The following RALGAPA1 variants were observed in gnomAD, a reference collection of about 807,000 sequenced individuals.
RALGAPA1 encodes ral GTPase-activating protein subunit alpha-1.
RALGAPA1 carries 52 observed loss-of-function variants against 269.6 expected under a neutral mutation model. The observed-to-expected ratio is 0.19, with a 90% CI of 0.15 to 0.24. The LOEUF is 0.24. Among genes scored for constraint, RALGAPA1 ranks in the 10% least tolerant of loss-of-function variants. The probability of loss-of-function intolerance (pLI) is 1.00; values close to 1 mark genes in which losing one functional copy is unlikely to be tolerated. For synonymous variants in RALGAPA1, 817 were observed against 1,008.3 expected (o/e 0.81, Z 3.60); for missense variants, 1,917 against 3,013.9 (o/e 0.64, Z 8.52).
At chr14:35,583,784 GAGAGT>G (rs1234067182) in intron 37 of RALGAPA1, among the ~76,000 whole-genome samples, 1 of 152,114 alleles carries the variant, frequency 6.6e-6, no homozygotes, top group Non-Finnish European at 1.5e-5. Context: ...TAAGCAAGAA[GAGAGT>G]AGAGTGAAAT....
At chr14:35,609,403 G>A (rs1230463654) in intron 35 of RALGAPA1, among the ~76,000 whole-genome samples, 1 of 151,998 alleles carries the variant, frequency 6.6e-6, no homozygotes, top group African/African-American at 2.4e-5. Flanking sequence ...TTACCAGTGG[G>A]TCAAAGAATA....
At position 35,604,874 on chromosome 14, in the gene RALGAPA1, T is replaced by C. The variant is rs12586969; in HGVS notation, c.7053+712A>G. On this transcript the variant is annotated intron_variant, in intron 36 of 41. Transcript: ENST00000680220. ...TTTCTGTTAGAACATGTCTGGTACT[T>C]CATTTTTCAATTCAAATAAACATAC... is the stretch of plus-strand genomic sequence containing the variant. Among the ~76,000 whole-genome samples, 3,462 of 152,210 alleles carry C rather than the reference T, an allele frequency of 0.023. 327 individuals are homozygous for C. The East Asian group carries it at 0.31, about 14-fold the overall frequency.
Position 35,635,608 on chromosome 14 carries a change from C to A in RALGAPA1, c.5677-10G>T. The A allele has an allele frequency of 6.4e-7, 1 of 1,551,630 alleles. No homozygotes were observed. The highest frequency in any genetic ancestry group is 2.3e-5 in the East Asian group (1 of 43,096). On this transcript the variant is annotated splice_polypyrimidine_tract_variant and intron_variant, in intron 31 of 41. Coordinates refer to ENST00000680220, the MANE Select transcript of RALGAPA1 (RefSeq NM_001346249.2). ...GTAAAGATACTACCAACTGTAACAA[C>A]AATAGAATCATTATAATTGTACATT...
At chr14:35,671,328 A>G in intron 26 of RALGAPA1, 61 bp downstream of exon 26, 1 of 1,422,084 alleles carries the variant, frequency 7.0e-7, no homozygotes, top group Non-Finnish European at 9.4e-7. Context: ...TGTTTTATCA[A>G]CTTTGTTAGT....
intron 12 of RALGAPA1, among the ~76,000 whole-genome samples, chr14:35,731,521 T>C (rs982561559): frequency 1.3e-5 from 2 of 152,094 alleles, no homozygotes; most frequent in African/African-American, 2.4e-5. Flanking sequence ...TTCAAGGAAT[T>C]AAATAGCTTA....
chr14:35,645,485 C>G (rs2062364362), intron 31 of RALGAPA1, among the ~76,000 whole-genome samples: 1 of 151,988 alleles, frequency 6.6e-6, no homozygotes, highest in Admixed American at 6.6e-5. Context: ...AATCCCACCA[C>G]TTTGGGAGGC....
At chr14:35,606,729 G>C (rs2139216686) in intron 35 of RALGAPA1, among the ~76,000 whole-genome samples, 1 of 148,526 alleles carries the variant, frequency 6.7e-6, no homozygotes, top group African/African-American at 2.5e-5. Context: ...CATTAGTAAA[G>C]TTTTCACTAC....
At chr14:35,621,187 G>T (rs1209893337) in intron 35 of RALGAPA1, among the ~76,000 whole-genome samples, 2 of 152,062 alleles carry the variant, frequency 1.3e-5, no homozygotes, top group Non-Finnish European at 2.9e-5. Context: ...GAACAGAACA[G>T]AGCCCTCAGA....
intron 15 of RALGAPA1, among the ~76,000 whole-genome samples, chr14:35,722,574 T>C (rs1259188611): frequency 1.3e-4 from 19 of 151,110 alleles, no homozygotes; most frequent in Non-Finnish European, 2.7e-4. Flanking sequence ...ACTGTGCTAC[T>C]ATACTCTAGC....
At chr14:35,637,833 A>T (rs1311083428) in intron 31 of RALGAPA1, among the ~76,000 whole-genome samples, 1 of 152,226 alleles carries the variant, frequency 6.6e-6, no homozygotes, top group African/African-American at 2.4e-5. Context: ...AAAAGAAACA[A>T]ATAACATACA....
intron 1 of RALGAPA1, among the ~76,000 whole-genome samples, chr14:35,786,917 A>G (rs1347117973): frequency 1.3e-5 from 2 of 152,134 alleles, no homozygotes; most frequent in African/African-American, 4.8e-5. Flanking sequence ...CATCTCATAT[A>G]TGAGTGTGAA....
intron 26 of RALGAPA1, 82 bp from the exon 27 acceptor site, chr14:35,664,849 A>G: frequency 7.7e-7 from 1 of 1,297,404 alleles, no homozygotes; most frequent in Non-Finnish European, 1.1e-6. Context: ...ATCCAACTAC[A>G]TTAGACAGGG....
At chr14:35,683,091 C>T (rs1423323135) in intron 21 of RALGAPA1, among the ~76,000 whole-genome samples, 1 of 152,110 alleles carries the variant, frequency 6.6e-6, no homozygotes, top group Non-Finnish European at 1.5e-5. Context: ...AGTGGATAAC[C>T]ACTCATCAAG....
At chr14:35,604,454 A>C (rs1220484675) in intron 36 of RALGAPA1, among the ~76,000 whole-genome samples, 1 of 151,988 alleles carries the variant, frequency 6.6e-6, no homozygotes, top group African/African-American at 2.4e-5. Context: ...ATAATAAAAA[A>C]ATAGGTTAGA....
chr14:35,629,335 T>C (rs188890372), intron 33 of RALGAPA1, among the ~76,000 whole-genome samples: 48 of 151,806 alleles, frequency 3.2e-4, no homozygotes, highest in African/African-American at 1.1e-3. Context: ...TGTCTCTACT[T>C]AATTTTAGAC....
chr14:35,566,347 T>G (rs1301866754), intron 39 of RALGAPA1, among the ~76,000 whole-genome samples: 4 of 152,148 alleles, frequency 2.6e-5, no homozygotes, highest in Non-Finnish European at 2.9e-5. Context: ...AACATTAGAT[T>G]CATGGTTTCA....
chr14:35,647,792 A>G (rs1190722629), intron 31 of RALGAPA1, among the ~76,000 whole-genome samples: 1 of 151,932 alleles, frequency 6.6e-6, no homozygotes, highest in East Asian at 1.9e-4. Context: ...ATCTCCACTA[A>G]AAATACAAAA....
intron 1 of RALGAPA1, among the ~76,000 whole-genome samples, chr14:35,790,672 G>T (rs1231387670): frequency 1.6e-5 from 2 of 122,884 alleles, no homozygotes; most frequent in African/African-American, 3.2e-5. Context: ...TGGGTGACAA[G>T]AAGAGACTGT....
In RALGAPA1 at chr14:35,572,722, G is replaced by A. The variant is rs1016322329; in HGVS notation, c.7210-4C>T. The A allele has an allele frequency of 1.7e-5, 27 of 1,590,900 alleles. No individual in the cohort carries two copies. The highest frequency in any genetic ancestry group is 1.9e-5 in the Non-Finnish European group (22 of 1,170,248). On this transcript the variant is annotated splice_polypyrimidine_tract_variant and splice_region_variant and intron_variant, in intron 37 of 41. Coordinates refer to ENST00000680220, the MANE Select transcript of RALGAPA1 (RefSeq NM_001346249.2). ...CATCATTTCCCAAATGTCTCAACTG[G>A]AAAGACAAGAAAACAATTTATACTG...
Sources: gnomAD v4.1 joint callset for allele counts (sites outside exome capture counted in the v4.1 genomes callset) on GRCh38, gnomAD v4.1.1 for gene constraint, MANE v1.5 for transcripts, NCBI Gene and HGNC (gene_info 2026-07-23, HGNC 2026-07-21) for gene names.